Variants in HBS1L observed in about 807,000 individuals in gnomAD.
HBS1L encodes the protein HBS1-like protein.
Under a neutral mutation model 88.9 loss-of-function variants are expected in HBS1L, and 55 were observed. The observed-to-expected ratio is 0.62, with a 90% CI of 0.50 to 0.77. HBS1L has a LOEUF of 0.77. Among genes scored for constraint, HBS1L ranks in the 30% least tolerant of loss-of-function variants. The pLI is 0.00. For synonymous variants in HBS1L, 267 were observed against 288.5 expected, an observed-to-expected ratio of 0.93 and a Z score of 0.76; for missense variants, 741 against 829.3, an observed-to-expected ratio of 0.89 and a Z score of 1.31.
At chr6:134,979,805 A>T (rs1774769131) in intron 13 of HBS1L, among the ~76,000 whole-genome samples, 2 of 151,980 alleles carry the variant, frequency 1.3e-5, no homozygotes, top group African/African-American at 4.8e-5. Context: ...CCCCTTAACT[A>T]CTCCTGGCTC....
intron 1 of HBS1L, among the ~76,000 whole-genome samples, chr6:135,051,195 GC>G (rs1377213153): frequency 1.5e-4 from 23 of 151,746 alleles, no homozygotes; most frequent in Admixed American, 1.5e-3. Context: ...ACTGCACTCA[GC>G]CTGGGCGACA....
At chr6:135,012,396 T>A (rs1044293500) in intron 4 of HBS1L, among the ~76,000 whole-genome samples, 1 of 152,174 alleles carries the variant, frequency 6.6e-6, no homozygotes, top group East Asian at 1.9e-4. Context: ...AAGAGAGAAG[T>A]TGACTTTTCA....
intron 2 of HBS1L, among the ~76,000 whole-genome samples, chr6:135,045,225 T>C (rs932826782): frequency 6.6e-6 from 1 of 151,982 alleles, no homozygotes; most frequent in Admixed American, 6.6e-5. Flanking sequence ...ATACAACAAA[T>C]AAAGGAGTGA....
intron 3 of HBS1L, among the ~76,000 whole-genome samples, chr6:135,041,136 T>C (rs1410856137): frequency 8.3e-6 from 1 of 120,444 alleles, no homozygotes; most frequent in Non-Finnish European, 1.8e-5. Context: ...CTACTGGCAA[T>C]ACCCTTTCTT....
At position 135,054,005 on chromosome 6, in the gene HBS1L, A is replaced by G. The variant is rs1777166509; in HGVS notation, c.43+644T>C. ...TTACATTTCAAAATACATTTATATC[A>G]AGCATTACCAGCCAAGAACTAAGTA... On this transcript the variant is annotated intron_variant, in intron 1 of 17. Transcript: ENST00000367837. Among the ~76,000 whole-genome samples the G allele has an allele frequency of 2.0e-5, 3 of 152,194 alleles. No individual in the cohort carries two copies. The South Asian group carries it at 6.2e-4, about 32-fold the overall frequency.
At chr6:134,980,756 T>A (rs1488502530) in intron 13 of HBS1L, among the ~76,000 whole-genome samples, 4 of 148,008 alleles carry the variant, frequency 2.7e-5, no homozygotes, top group Non-Finnish European at 4.5e-5. Context: ...GTTAATAAAG[T>A]AAAAAAAAAA....
chr6:135,044,925 GC>G (rs1776861978), intron 2 of HBS1L, among the ~76,000 whole-genome samples: 3 of 152,174 alleles, frequency 2.0e-5, no homozygotes, highest in Non-Finnish European at 4.4e-5. Context: ...TCCTCTGCCT[GC>G]CAGGAGCTAT....
chr6:135,037,904 C>T (rs1449497857), intron 4 of HBS1L: 28 of 1,550,866 alleles, frequency 1.8e-5, no homozygotes, highest in Admixed American at 1.4e-4. Flanking sequence ...TGAGATAATC[C>T]GTATTTTCCT....
chr6:134,984,959 G>C (rs1284227115), intron 12 of HBS1L, among the ~76,000 whole-genome samples: 2 of 152,122 alleles, frequency 1.3e-5, no homozygotes, highest in Non-Finnish European at 2.9e-5. Context: ...CAATACAACA[G>C]GGAAGCACGG....
chr6:134,966,666 T>G (rs1774325276), intron 16 of HBS1L, among the ~76,000 whole-genome samples, 193 bp from the exon 17 acceptor site: 1 of 147,538 alleles, frequency 6.8e-6, no homozygotes, highest in African/African-American at 2.7e-5. Flanking sequence ...GAGGAGTAAT[T>G]CTAGATTTAA....
chr6:134,998,883 C>A (rs1414180453), intron 5 of HBS1L, among the ~76,000 whole-genome samples: 1 of 152,182 alleles, frequency 6.6e-6, no homozygotes, highest in Non-Finnish European at 1.5e-5. Context: ...TAGACAGATG[C>A]ACTTCATCTT....
At chr6:134,981,043 G>A (rs1420341104) in intron 13 of HBS1L, among the ~76,000 whole-genome samples, 1 of 151,894 alleles carries the variant, frequency 6.6e-6, no homozygotes, top group African/African-American at 2.4e-5. Context: ...GAGTTTCTCT[G>A]TGTGGAAAGT....
At position 134,987,408 on chromosome 6, in the gene HBS1L, A is replaced by C. The variant is rs566785311; in HGVS notation, c.1230+237T>G. Among the ~76,000 whole-genome samples, 136 of 152,200 alleles carry C rather than the reference A, an allele frequency of 8.9e-4. 1 individual carries two copies. The highest frequency in any genetic ancestry group is 3.2e-3 in the African/African-American group (133 of 41,550). On this transcript the variant is annotated intron_variant, in intron 9 of 17. Transcript: ENST00000367837. ...CATTCCACTATAATAAACATGTATT[A>C]TTTTATAATTTAAAACAATTTTTAG...
intron 15 of HBS1L, among the ~76,000 whole-genome samples, chr6:134,969,885 T>C (rs1774432386): frequency 1.3e-5 from 2 of 152,070 alleles, no homozygotes; most frequent in South Asian, 4.1e-4. Flanking sequence ...TCACACAGAT[T>C]AGAGAGGGGG....
intron 4 of HBS1L, among the ~76,000 whole-genome samples, chr6:135,022,690 A>G (rs1776106651): frequency 6.6e-6 from 1 of 152,184 alleles, no homozygotes; most frequent in African/African-American, 2.4e-5. Context: ...AAATATTTTC[A>G]TTGAAAATTA....
intron 4 of HBS1L, chr6:135,036,527 C>A: frequency 7.0e-7 from 1 of 1,435,372 alleles, no homozygotes; most frequent in South Asian, 1.6e-5. Context: ...ATAAAAAGCT[C>A]TACAACAGCA....
At chr6:134,990,807 C>G (rs1315672644) in intron 8 of HBS1L, among the ~76,000 whole-genome samples, 1 of 152,212 alleles carries the variant, frequency 6.6e-6, no homozygotes, top group Non-Finnish European at 1.5e-5. Context: ...CCACCTCAGC[C>G]TCCCAAAGTG....
chr6:135,040,640 G>A (rs1414756799), intron 3 of HBS1L, among the ~76,000 whole-genome samples: 1 of 151,938 alleles, frequency 6.6e-6, no homozygotes, highest in Non-Finnish European at 1.5e-5. Flanking sequence ...GTGAGCCACC[G>A]TGCCCAGCCG....
At chr6:135,050,273 G>T (rs1159726620) in intron 2 of HBS1L, among the ~76,000 whole-genome samples, 1 of 152,140 alleles carries the variant, frequency 6.6e-6, no homozygotes, top group Non-Finnish European at 1.5e-5. Flanking sequence ...CCTGCCTCCA[G>T]AGGCTTCAGA....
Sources: allele counts gnomAD v4.1 joint callset (sites outside exome capture counted in the v4.1 genomes callset), GRCh38; gene constraint gnomAD v4.1.1; transcripts MANE v1.5; gene names NCBI Gene and HGNC (gene_info 2026-07-23, HGNC 2026-07-21).